CSMD1: variants seen among roughly 807,000 people sequenced by gnomAD.
The protein encoded by CSMD1 is CUB and Sushi multiple domains 1.
CSMD1 carries 213 observed loss-of-function variants against 417.5 expected under a neutral mutation model. The observed-to-expected ratio is 0.51, with a 90% CI of 0.46 to 0.57. CSMD1 has a LOEUF of 0.57. Ranked by LOEUF, CSMD1 falls within the 20% of genes least tolerant of loss-of-function variation. The pLI, the probability that CSMD1 is intolerant of heterozygous loss-of-function variation, is 0.00. For synonymous variants in CSMD1, 2,862 were observed against 1,736.8 expected (o/e 1.65, Z -16.11); for missense variants, 6,923 against 4,529.7 (o/e 1.53, Z -15.17).
At chr8:3,998,640 G>T (rs1035605359) in intron 4 of CSMD1, among the ~76,000 whole-genome samples, 5 of 152,070 alleles carry the variant, frequency 3.3e-5, no homozygotes, top group African/African-American at 1.2e-4. Context: ...CTCATAAAAA[G>T]GTTCTGAGTA....
chr8:4,397,027 A>G (rs1444885678), intron 3 of CSMD1, among the ~76,000 whole-genome samples: 1 of 148,032 alleles, frequency 6.8e-6, no homozygotes, highest in Non-Finnish European at 1.5e-5. Flanking sequence ...AATCTAATGA[A>G]ATTAAAAAAA....
chr8:3,859,781 T>G (rs953169492), intron 5 of CSMD1, among the ~76,000 whole-genome samples: 2 of 152,190 alleles, frequency 1.3e-5, no homozygotes, highest in Non-Finnish European at 2.9e-5. Context: ...TGCATACTTA[T>G]GCTCAGAGGT....
intron 2 of CSMD1, among the ~76,000 whole-genome samples, chr8:4,615,880 T>C (rs979461731): frequency 6.6e-6 from 1 of 152,184 alleles, no homozygotes; most frequent in East Asian, 1.9e-4. Flanking sequence ...TTTTTCACTG[T>C]TTTGGATGAA....
chr8:4,599,684 T>G (rs979365690), intron 2 of CSMD1, among the ~76,000 whole-genome samples: 1 of 152,216 alleles, frequency 6.6e-6, no homozygotes, highest in African/African-American at 2.4e-5. Context: ...TATTTCACCA[T>G]CAGCATGGCC....
chr8:3,557,892 T>C (rs1799226112), intron 10 of CSMD1, among the ~76,000 whole-genome samples: 4 of 152,188 alleles, frequency 2.6e-5, no homozygotes, highest in Admixed American at 2.6e-4. Context: ...TTGGATCAGA[T>C]AATAAGTTAT....
At chr8:4,414,621 G>A (rs1052658265) in intron 3 of CSMD1, among the ~76,000 whole-genome samples, 20 of 151,918 alleles carry the variant, frequency 1.3e-4, no homozygotes, top group African/African-American at 4.4e-4. Flanking sequence ...TTCTGCATGC[G>A]TGGGTGTGTT....
chr8:4,355,886 C>T (rs182282737), intron 3 of CSMD1, among the ~76,000 whole-genome samples: 1 of 152,154 alleles, frequency 6.6e-6, no homozygotes, highest in Non-Finnish European at 1.5e-5. Context: ...GCCATTTAAA[C>T]AGCGCAGGTG....
At chr8:3,322,216 C>G (rs1806196942) in intron 23 of CSMD1, among the ~76,000 whole-genome samples, 1 of 152,142 alleles carries the variant, frequency 6.6e-6, no homozygotes, top group Non-Finnish European at 1.5e-5. Context: ...TGAATAACAG[C>G]ACAGATTTCC....
chr8:4,290,233 C>T (rs116435352), intron 3 of CSMD1, among the ~76,000 whole-genome samples: 1 of 152,212 alleles, frequency 6.6e-6, no homozygotes, highest in African/African-American at 2.4e-5. Flanking sequence ...CTGCAAAAAC[C>T]CATGTGTTTA....
Position 4,912,146 on chromosome 8 carries a change from G to C in CSMD1, c.85+82186C>G, listed in dbSNP as rs867518336. 6.6e-5 allele frequency among the ~76,000 whole-genome samples: 5 copies of C among 75,662 alleles called. No individual in the cohort carries two copies. The South Asian group carries it at 2.2e-3, about 33-fold the overall frequency. The allele number at this position is 75,662 out of a possible 152,430, so 49.6% of individuals were successfully genotyped here. A position where few individuals can be genotyped will look rare whatever the true frequency, so the allele number is the denominator to read the frequency against. On this transcript the variant is annotated intron_variant, in intron 1 of 69. Coordinates refer to ENST00000635120, the MANE Select transcript of CSMD1 (RefSeq NM_033225.6). Reference sequence around the variant, plus strand: ...TCAAAAAAAAAAAAAAAAAAAGAAAGAAAGAAAAGAAAAGAACGGAAAAGA... The same window carrying C: ...TCAAAAAAAAAAAAAAAAAAAGAAACAAAGAAAAGAAAAGAACGGAAAAGA...
rs540205099 is a variant in CSMD1, at chr8:4,906,522, C to T, written c.85+87810G>A. ...CACACTTTGTTTTTCAGTTTTTATT[C>T]TAAATATTTTAAATAAGTTTGTCTT... On this transcript the variant is annotated intron_variant, in intron 1 of 69. Transcript: ENST00000635120. Among the ~76,000 whole-genome samples the T allele has an allele frequency of 1.6e-4, 24 of 151,790 alleles. No individual in the cohort carries two copies. The South Asian group carries it at 5.0e-3, about 32-fold the overall frequency.
At position 3,969,712 on chromosome 8, in the gene CSMD1, T is replaced by A. The variant is rs1812947357; in HGVS notation, c.818+28191A>T. 2.0e-5 allele frequency among the ~76,000 whole-genome samples: 3 copies of A among 152,216 alleles called. 1 individual carries two copies. In the South Asian group the frequency reaches 6.2e-4, roughly 32 times the overall value. On this transcript the variant is annotated intron_variant, in intron 5 of 69. Coordinates refer to ENST00000635120, the MANE Select transcript of CSMD1 (RefSeq NM_033225.6). ...ACATGGTTCACACACCAAAGGATGATTTTGACAATAAAATAACCATGTGTA... is the reference window on the plus strand; with the variant it reads ...ACATGGTTCACACACCAAAGGATGAATTTGACAATAAAATAACCATGTGTA...
At chr8:3,884,954 C>A (rs1806457279) in intron 5 of CSMD1, among the ~76,000 whole-genome samples, 1 of 149,850 alleles carries the variant, frequency 6.7e-6, no homozygotes, top group African/African-American at 2.5e-5. Flanking sequence ...TACACACACA[C>A]ACACATTCAG....
At chr8:4,243,979 T>C (rs1802549767) in intron 3 of CSMD1, among the ~76,000 whole-genome samples, 3 of 152,186 alleles carry the variant, frequency 2.0e-5, no homozygotes, top group Admixed American at 2.0e-4. Context: ...CGGGTTACAG[T>C]GGCAGAATTT....
intron 7 of CSMD1, among the ~76,000 whole-genome samples, chr8:3,619,017 G>T (rs143840273): frequency 6.6e-6 from 1 of 152,156 alleles, no homozygotes. Flanking sequence ...GCCATGAAAG[G>T]CTGTGACAAG....
At position 4,422,776 on chromosome 8, in the gene CSMD1, A is replaced by G. The variant is rs192110634; in HGVS notation, c.303-2711T>C. On this transcript the variant is annotated intron_variant, in intron 2 of 69. Transcript: ENST00000635120. ...GTCTCTCATGCATATAGATGCAAAA[A>G]TCCTTAACCAAGTAAGAGAAAATAG... Among the ~76,000 whole-genome samples the G allele has an allele frequency of 1.3e-3, 195 of 152,264 alleles. 1 individual carries two copies. The highest frequency in any genetic ancestry group is 4.2e-3 in the African/African-American group (173 of 41,576).
chr8:4,075,741 G>C (rs758206243), intron 3 of CSMD1, among the ~76,000 whole-genome samples: 8 of 152,116 alleles, frequency 5.3e-5, no homozygotes, highest in Non-Finnish European at 7.4e-5. Context: ...TTCTCAGGTT[G>C]TGTGTCCCTT....
At chr8:4,585,388 G>C (rs781311722) in intron 2 of CSMD1, among the ~76,000 whole-genome samples, 1 of 152,068 alleles carries the variant, frequency 6.6e-6, no homozygotes, top group Non-Finnish European at 1.5e-5. Context: ...TTTTGAAAGA[G>C]GGATAACGAA....
intron 7 of CSMD1, among the ~76,000 whole-genome samples, chr8:3,684,535 A>T (rs1380398530): frequency 6.6e-6 from 1 of 151,238 alleles, no homozygotes; most frequent in Non-Finnish European, 1.5e-5. Context: ...CCATCTAGAA[A>T]CAAATGGCAC....
Sources: gnomAD v4.1 joint callset for allele counts (sites outside exome capture counted in the v4.1 genomes callset) on GRCh38, gnomAD v4.1.1 for gene constraint, MANE v1.5 for transcripts, NCBI Gene and HGNC (gene_info 2026-07-23, HGNC 2026-07-21) for gene names.